C1orf141: variants seen among roughly 807,000 people sequenced by gnomAD.
The protein encoded by C1orf141 is uncharacterized protein C1orf141.
A neutral mutation model predicts 23.2 loss-of-function variants in C1orf141; 19 were observed. That is an observed-to-expected ratio of 0.82 (90% CI 0.57 to 1.20). C1orf141 has a LOEUF of 1.20. Among genes scored for constraint, C1orf141 ranks in the 50% most tolerant of loss-of-function variants. The pLI is 0.00. For synonymous variants in C1orf141, 153 were observed against 154.6 expected, an observed-to-expected ratio of 0.99 and a Z score of 0.08; for missense variants, 469 against 455.1, an observed-to-expected ratio of 1.03 and a Z score of -0.28.
rs751895413 is a variant in C1orf141 at position 67,113,733 on chromosome 1, G to A, written c.346+1619C>T. On this transcript the variant is annotated intron_variant, in intron 5 of 7. Coordinates refer to ENST00000684719, the MANE Select transcript of C1orf141 (RefSeq NM_001276351.2). ...AATCCGCTGAAGAGGCTTTAATCAG[G>A]ATCAGCCTACTTTTAAAAGATCACT... 30 of 1,269,124 alleles carry A rather than the reference G, an allele frequency of 2.4e-5. No homozygotes were observed. In the South Asian group the frequency reaches 3.7e-4, roughly 16 times the overall value. The allele number at this position is 1,269,124 out of a possible 1,614,324, so 78.6% of individuals were successfully genotyped here.
At chr1:67,103,260 T>C in intron 5 of C1orf141, 1 of 1,442,582 alleles carries the variant, frequency 6.9e-7, no homozygotes, top group Non-Finnish European at 9.3e-7. Context: ...TAGAGTCTTT[T>C]TCCTTTTTAT....
chr1:67,095,501 T>G, intron 6 of C1orf141, 80 bp from the exon 7 acceptor site: 1 of 774,570 alleles, frequency 1.3e-6, no homozygotes, highest in Non-Finnish European at 2.0e-6. Context: ...CTTTTATCCC[T>G]GGAAGTCACT....
At chr1:67,141,371 G>A (rs1482810484) in intron 1 of C1orf141, among the ~76,000 whole-genome samples, 1 of 151,744 alleles carries the variant, frequency 6.6e-6, no homozygotes, top group South Asian at 2.1e-4. Context: ...CTTCAACATG[G>A]CCAAAAGACT....
At chr1:67,095,168 T>C (rs1201616303) in intron 7 of C1orf141, 67 bp downstream of exon 7, 3 of 929,282 alleles carry the variant, frequency 3.2e-6, no homozygotes, top group Middle Eastern at 2.4e-4. Context: ...CACTAAAATA[T>C]ATGGGTGATT....
chr1:67,097,149 A>G (rs1645698561), intron 5 of C1orf141, among the ~76,000 whole-genome samples: 1 of 152,132 alleles, frequency 6.6e-6, no homozygotes, highest in Non-Finnish European at 1.5e-5. Context: ...GCTTAAGGCC[A>G]GGAGTTTGAG....
rs1338845467 is a variant in C1orf141, at chr1:67,115,428, C to G, written c.270G>C (p.Lys90Asn). The G allele has an allele frequency of 6.6e-7, 1 of 1,505,992 alleles. No individual in the cohort carries two copies. The highest frequency in any genetic ancestry group is 1.2e-5 in the South Asian group (1 of 81,902). 93.3% of individuals were successfully genotyped at this position (1,505,992 alleles called of 1,614,324 possible). A position where few individuals can be genotyped will look rare whatever the true frequency, so the allele number is the denominator to read the frequency against. ...VSFKCEPEPR[K>N]SNFEKSNLRP... ...TTAAATTTGACTTTTCAAAATTACT[C>G]TTTCTAGGTTCAGGCTCACATTTGA... Residue 90 changes from lysine to asparagine, a missense_variant, in exon 5 of 8, where the codon AAG becomes AAC. Lys to Asn is a moderately conservative substitution (Grantham distance 94). Transcript: ENST00000684719.
At chr1:67,125,673 T>A (rs1646392975) in intron 4 of C1orf141, 79 bp downstream of exon 4, 4 of 1,348,284 alleles carry the variant, frequency 3.0e-6, no homozygotes, top group Non-Finnish European at 4.3e-6. Context: ...CACTCTACCC[T>A]AGGCAATGAG....
At chr1:67,119,720 A>T (rs1646263034) in intron 4 of C1orf141, among the ~76,000 whole-genome samples, 1 of 152,204 alleles carries the variant, frequency 6.6e-6, no homozygotes, top group Admixed American at 6.5e-5. Flanking sequence ...GACTAAGGGA[A>T]ACAGAGAAAG....
At position 67,092,977 on chromosome 1, in the gene C1orf141, A is replaced by G. The variant is rs771336991; in HGVS notation, c.*28T>C. Reference sequence around the variant, plus strand: ...GGAACTTGGATATTTGCTTCTTGTTACTCAAATATTGCTGCATACATAATA... The same window carrying G: ...GGAACTTGGATATTTGCTTCTTGTTGCTCAAATATTGCTGCATACATAATA... On this transcript the variant is annotated 3_prime_UTR_variant, in exon 8 of 8. Transcript: ENST00000684719. The G allele has an allele frequency of 2.7e-6, 4 of 1,508,522 alleles. No individual in the cohort carries two copies. Among genetic ancestry groups the G allele is most frequent in the Non-Finnish European group, 3.6e-6 (4 of 1,115,362 alleles). 93.4% of individuals were successfully genotyped at this position (1,508,522 alleles called of 1,614,324 possible). A position where few individuals can be genotyped will look rare whatever the true frequency, so the allele number is the denominator to read the frequency against.
At chr1:67,095,601 A>C (rs1476556129) in intron 6 of C1orf141, 180 bp from the exon 7 acceptor site, 1 of 494,404 alleles carries the variant, frequency 2.0e-6, no homozygotes, top group Admixed American at 3.8e-5. Flanking sequence ...AAACAGCAAG[A>C]GTAGGAGTGG....
chr1:67,095,683 G>A (rs968894461), intron 6 of C1orf141: 2 of 318,830 alleles, frequency 6.3e-6, no homozygotes, highest in Non-Finnish European at 1.1e-5. Context: ...GTAGGTTGAG[G>A]AGAACACCAA....
intron 7 of C1orf141, 63 bp downstream of exon 7, chr1:67,095,172 G>A (rs971846176): frequency 6.3e-6 from 6 of 957,154 alleles, no homozygotes; most frequent in Non-Finnish European, 7.8e-6. Context: ...AAAATATATG[G>A]GTGATTCCCA....
At chr1:67,122,857 A>T (rs1212163616) in intron 4 of C1orf141, 1 of 152,142 alleles carries the variant, frequency 6.6e-6, no homozygotes, top group Admixed American at 6.6e-5. Context: ...TGGTCATTTT[A>T]ACATTCTTTT....
chr1:67,126,304 A>G (rs1646412763), intron 3 of C1orf141, among the ~76,000 whole-genome samples: 1 of 152,216 alleles, frequency 6.6e-6, no homozygotes. Context: ...GAATCACACC[A>G]ATCTTCCTCT....
chr1:67,128,126 T>C (rs188755378), intron 2 of C1orf141, among the ~76,000 whole-genome samples: 154 of 152,252 alleles, frequency 1.0e-3, no homozygotes, highest in Middle Eastern at 6.8e-3. Flanking sequence ...TTAGGTCCCA[T>C]TGCCATAATG....
At chr1:67,102,307 CGT>C (rs57508145) in intron 5 of C1orf141, among the ~76,000 whole-genome samples, 23,708 of 139,386 alleles carry the variant, frequency 0.17, 1,963 homozygotes, top group East Asian at 0.23. Flanking sequence ...TCTTCTGCTC[CGT>C]GTGTGTGTGT....
At chr1:67,102,713 T>G (rs1462172080) in intron 5 of C1orf141, 1 of 152,154 alleles carries the variant, frequency 6.6e-6, no homozygotes, top group African/African-American at 2.4e-5. Flanking sequence ...ATATTTTTTT[T>G]CTTGCATCTG....
In C1orf141 at chr1:67,095,224, ATGC is replaced by A. The variant is rs1331857832; in HGVS notation, c.603+8_603+10del. ...ACATATTTACTTAACAATAGATGAT[ATGC>A]TTATTACCATGTGAGAAGTTACTGT... On this transcript the variant is annotated splice_region_variant and intron_variant, in intron 7 of 7. Transcript: ENST00000684719. 6.9e-7 allele frequency: 1 copy of A among 1,456,834 alleles called. No homozygotes were observed. Among genetic ancestry groups the A allele is most frequent in the Non-Finnish European group, 9.4e-7 (1 of 1,060,080 alleles). The allele number at this position is 1,456,834 out of a possible 1,614,324, so 90.2% of individuals were successfully genotyped here. A position where few individuals can be genotyped will look rare whatever the true frequency, so the allele number is the denominator to read the frequency against.
upstream of C1orf141, chr1:67,139,216 C>T (rs1646611996): frequency 6.6e-6 from 1 of 152,046 alleles, no homozygotes; most frequent in African/African-American, 2.4e-5. Context: ...AGAAGTAAGC[C>T]TAGAGACTGA....
Sources: allele counts gnomAD v4.1 joint callset (sites outside exome capture counted in the v4.1 genomes callset), GRCh38; gene constraint gnomAD v4.1.1; transcripts MANE v1.5; gene names NCBI Gene and HGNC (gene_info 2026-07-23, HGNC 2026-07-21).